Variants in GXYLT1 observed in about 807,000 individuals in gnomAD.
GXYLT1 encodes glycosyltransferase 8 domain containing 3.
In GXYLT1, 29 loss-of-function variants were observed where a neutral mutation model predicts 54.0. The ratio of observed to expected loss-of-function variants is 0.54; its 90% confidence interval spans 0.40 to 0.73. The LOEUF (loss-of-function observed/expected upper bound fraction) is 0.73, where lower values mean the gene tolerates loss of function less well. Among genes scored for constraint, GXYLT1 ranks in the 30% least tolerant of loss-of-function variants. The probability of loss-of-function intolerance (pLI) is 0.00; values close to 1 mark genes in which losing one functional copy is unlikely to be tolerated. For synonymous variants in GXYLT1, 176 were observed against 204.1 expected, an observed-to-expected ratio of 0.86 and a Z score of 1.17; for missense variants, 490 against 553.4, an observed-to-expected ratio of 0.89 and a Z score of 1.15.
chr12:42,087,908 G>A lies in GXYLT1; in HGVS notation c.1201C>T (p.Pro401Ser), dbSNP rs761561507. The A allele has an allele frequency of 3.2e-6, 5 of 1,579,764 alleles. No homozygotes were observed. Among genetic ancestry groups the A allele is most frequent in the African/African-American group, 2.7e-5 (2 of 73,496 alleles). The stretch of plus-strand genomic sequence containing the variant: ...GTTTTTTGTAGTTCCAGTTCTAAAG[G>A]TTTTAATAAGGAACGGATGTTGTCA... The part of the protein sequence containing the change: ...EDDNIRSLLK[P>S]LELELQKTVH... Residue 401 changes from proline to serine, a missense_variant, in exon 8 of 8, where the codon CCT (proline) becomes TCT (serine). By Grantham distance (74) the Pro-to-Ser change is moderately conservative. Transcript: ENST00000398675.
chr12:42,101,532 C>T (rs925120341), intron 5 of GXYLT1, among the ~76,000 whole-genome samples: 2 of 151,794 alleles, frequency 1.3e-5, no homozygotes, highest in African/African-American at 4.8e-5. Flanking sequence ...TAAAAGAATC[C>T]TATATCTAAA....
intron 2 of GXYLT1, among the ~76,000 whole-genome samples, chr12:42,123,788 TA>T (rs2065545049): frequency 1.3e-5 from 2 of 152,096 alleles, no homozygotes; most frequent in Non-Finnish European, 2.9e-5. Flanking sequence ...AACCATCTAC[TA>T]AAACTAAAAA....
rs778224232 is a variant in GXYLT1, at chr12:42,144,641, C to T, written c.6G>A (p.Arg2=). The part of the protein sequence containing the change: M[R]RYLRVVVLCV... ...ACAGCACCACGACGCGCAGGTAGCG[C>T]CGCATCGCCCCGGCCGCGCTCCTCC... Residue 2 remains arginine, a synonymous_variant, in exon 1 of 8, where the codon CGG becomes CGA. Coordinates refer to ENST00000398675, the MANE Select transcript of GXYLT1 (RefSeq NM_173601.2). 4 of 1,448,182 alleles carry T rather than the reference C, an allele frequency of 2.8e-6. No homozygotes were observed. The highest frequency in any genetic ancestry group is 1.4e-5 in the South Asian group (1 of 73,814). 89.7% of individuals were successfully genotyped at this position (1,448,182 alleles called of 1,614,324 possible).
At chr12:42,112,128 C>T (rs1054509778) in intron 3 of GXYLT1, among the ~76,000 whole-genome samples, 2 of 152,104 alleles carry the variant, frequency 1.3e-5, no homozygotes, top group Non-Finnish European at 2.9e-5. Context: ...GACATCCACA[C>T]CAAAAACCCC....
intron 6 of GXYLT1, 135 bp from the exon 7 acceptor site, chr12:42,097,749 T>A: frequency 9.6e-7 from 1 of 1,043,498 alleles, no homozygotes; most frequent in Non-Finnish European, 1.4e-6. Flanking sequence ...TTTAGATCTC[T>A]TCCAATTAAA....
At chr12:42,111,097 T>C (rs2065451441) in intron 3 of GXYLT1, among the ~76,000 whole-genome samples, 1 of 152,246 alleles carries the variant, frequency 6.6e-6, no homozygotes, top group African/African-American at 2.4e-5. Context: ...TACTATTCTC[T>C]TAACCCCTAG....
chr12:42,105,280 G>A (rs536971222), intron 5 of GXYLT1, among the ~76,000 whole-genome samples: 4 of 152,134 alleles, frequency 2.6e-5, no homozygotes, highest in South Asian at 2.1e-4. Flanking sequence ...CTGGAAACAC[G>A]CAGGAATTTT....
rs2065366399 is a variant in GXYLT1 at position 42,097,989 on chromosome 12, CATAAGT to C, written c.903_908del (p.Ile301_Leu302del). The C allele has an allele frequency of 4.4e-6, 7 of 1,603,980 alleles. No individual in the cohort carries two copies. Among genetic ancestry groups the C allele is most frequent in the Non-Finnish European group, 6.0e-6 (7 of 1,171,574 alleles). On this transcript the variant is annotated inframe_deletion, in exon 6 of 8. Transcript: ENST00000398675. ...TTAGTTTGTATTTTTTAAGCAATGG[CATAAGT>C]ATATCTCCCCATTGTAGTCGTACAG...
chr12:42,084,272 C>T lies in GXYLT1; in HGVS notation c.*3514G>A, dbSNP rs78536086. The T allele has an allele frequency of 0.052, 1,673 of 32,040 alleles. No homozygotes were observed. The highest frequency in any genetic ancestry group is 0.079 in the African/African-American group (646 of 8,162). 2.0% of individuals were successfully genotyped at this position (32,040 alleles called of 1,614,324 possible). A position where few individuals can be genotyped will look rare whatever the true frequency, so the allele number is the denominator to read the frequency against. On this transcript the variant is annotated 3_prime_UTR_variant, in exon 8 of 8. Coordinates refer to ENST00000398675, the MANE Select transcript of GXYLT1 (RefSeq NM_173601.2). ...CTGCCCTTTGCCATCCCCATTCTTACTCCTTTCTCTTTCCTCACCCCTTTT... is the reference window on the plus strand; with the variant it reads ...CTGCCCTTTGCCATCCCCATTCTTATTCCTTTCTCTTTCCTCACCCCTTTT...
At chr12:42,143,254 A>G (rs144947054) in intron 1 of GXYLT1, among the ~76,000 whole-genome samples, 2,096 of 152,326 alleles carry the variant, frequency 0.014, 58 homozygotes, top group African/African-American at 0.047. Context: ...ATAACATACT[A>G]GGCCATAAAC....
chr12:42,087,835 AG>A lies in GXYLT1; in HGVS notation c.1273del (p.Leu425Ter), dbSNP rs1434224243. The A allele has an allele frequency of 1.2e-6, 2 of 1,607,138 alleles. No homozygotes were observed. Among genetic ancestry groups the A allele is most frequent in the African/African-American group, 2.7e-5 (2 of 74,656 alleles). On this transcript the variant is annotated frameshift_variant, in exon 8 of 8. Transcript: ENST00000398675. LOFTEE classifies it high-confidence loss of function. ...ATAACGATCTCTTACACTTTTTGCT[AG>A]TTGTTTGATAAATATTTTGTAAATT... ...GKIYKIFIKQ[L>X]AKSVRDRYAR... is the part of the protein sequence containing the mutation.
chr12:42,097,532 T>C lies in GXYLT1; in HGVS notation c.1071A>G (p.Glu357=). The part of the protein sequence containing the change: ...IYGSNCQEAE[E]GGIFILHGNR... ...TCCCATGAAGAATAAAGATTCCTCC[T>C]TCTTCTGCTTCTTGGCAATTGCTTC... The change falls in exon 7 of 8, where the codon GAA becomes GAG. Residue 357 remains glutamate, a synonymous_variant. Transcript: ENST00000398675. 5 of 1,611,952 alleles carry C rather than the reference T, an allele frequency of 3.1e-6. No individual in the cohort carries two copies. Among genetic ancestry groups the C allele is most frequent in the Non-Finnish European group, 4.2e-6 (5 of 1,178,906 alleles).
intron 7 of GXYLT1, among the ~76,000 whole-genome samples, chr12:42,089,885 T>A (rs1313311315): frequency 1.3e-5 from 2 of 152,164 alleles, no homozygotes; most frequent in Admixed American, 6.6e-5. Context: ...AAGAAATATT[T>A]CAATGTGCAC....
intron 5 of GXYLT1, among the ~76,000 whole-genome samples, chr12:42,099,875 T>C (rs117512398): frequency 0.031 from 4,775 of 152,264 alleles, 103 homozygotes; most frequent in Non-Finnish European, 0.05. Flanking sequence ...TATGGTAATA[T>C]TAATAGATAT....
At chr12:42,137,822 TATGA>T (rs1249454958) in intron 1 of GXYLT1, among the ~76,000 whole-genome samples, 2 of 150,972 alleles carry the variant, frequency 1.3e-5, no homozygotes, top group Non-Finnish European at 2.9e-5. Flanking sequence ...TATTTGACAG[TATGA>T]ATGAAGTGCT....
chr12:42,111,850 C>T (rs968852913), intron 3 of GXYLT1, among the ~76,000 whole-genome samples: 1 of 152,212 alleles, frequency 6.6e-6, no homozygotes, highest in Non-Finnish European at 1.5e-5. Context: ...CAAGTGGGGT[C>T]CCTGAACCCT....
At chr12:42,089,135 TAA>T (rs1246740394) in intron 7 of GXYLT1, among the ~76,000 whole-genome samples, 1 of 151,940 alleles carries the variant, frequency 6.6e-6, no homozygotes, top group Non-Finnish European at 1.5e-5. Flanking sequence ...GTTTTGAAGA[TAA>T]AAGTTTTAAA....
intron 7 of GXYLT1, among the ~76,000 whole-genome samples, chr12:42,090,434 C>T (rs562967328): frequency 2.6e-5 from 4 of 152,310 alleles, no homozygotes; most frequent in Admixed American, 1.3e-4. Context: ...TTCTTCTCTG[C>T]CTGGTACTCA....
At chr12:42,097,834 A>G in intron 6 of GXYLT1, 76 bp downstream of exon 6, 1 of 1,139,830 alleles carries the variant, frequency 8.8e-7, no homozygotes, top group East Asian at 2.4e-5. Context: ...AGAATCAGAT[A>G]AGTGCATGTT....
Sources: gnomAD v4.1 joint callset for allele counts (sites outside exome capture counted in the v4.1 genomes callset) on GRCh38, gnomAD v4.1.1 for gene constraint, MANE v1.5 for transcripts, NCBI Gene and HGNC (gene_info 2026-07-23, HGNC 2026-07-21) for gene names.